Variants in DAPK2 observed in about 807,000 individuals in gnomAD.
The protein encoded by DAPK2 is death-associated protein kinase 2.
A neutral mutation model predicts 44.1 loss-of-function variants in DAPK2; 35 were observed. The ratio of observed to expected loss-of-function variants is 0.79; its 90% CI spans 0.61 to 1.05. The LOEUF (loss-of-function observed/expected upper bound fraction) is 1.05, where lower values mean the gene tolerates loss of function less well. Ranked by LOEUF, DAPK2 falls within the 50% of genes least tolerant of loss-of-function variation. DAPK2 has a pLI of 0.00. For missense variants in DAPK2, 453 were observed against 483.2 expected, an observed-to-expected ratio of 0.94 and a Z score of 0.59; for synonymous variants, 174 against 182.6, an observed-to-expected ratio of 0.95 and a Z score of 0.38.
At chr15:64,002,211 C>T (rs886957592) in intron 1 of DAPK2, among the ~76,000 whole-genome samples, 7 of 152,178 alleles carry the variant, frequency 4.6e-5, no homozygotes, top group Non-Finnish European at 2.9e-5. Context: ...CTGGTGGAAA[C>T]GTCCCAGCTC....
chr15:63,986,178 C>A (rs1352839743), intron 1 of DAPK2, among the ~76,000 whole-genome samples: 1 of 152,222 alleles, frequency 6.6e-6, no homozygotes, highest in Non-Finnish European at 1.5e-5. Flanking sequence ...CCAGACCCAG[C>A]CCCCAGGCTT....
Position 63,974,519 on chromosome 15 carries a change from T to C in DAPK2, c.315-2958A>G, listed in dbSNP as rs144482288. 2.7e-3 allele frequency among the ~76,000 whole-genome samples: 408 copies of C among 152,302 alleles called. 3 individuals are homozygous for C. Among genetic ancestry groups the C allele is most frequent in the African/African-American group, 8.1e-3 (337 of 41,558 alleles). On this transcript the variant is annotated intron_variant, in intron 2 of 10. Coordinates refer to ENST00000261891, the Ensembl canonical transcript of DAPK2. ...TTTCTGATTGGCAATTGGTTATTAT[T>C]GAAAGACCTGGAATCAATAGAAAAG...
rs2079162522 is a variant in DAPK2, at chr15:63,923,896, T to TGGACTTGAACTCCTGGGCTCAAGTC, written c.858+919_858+920insGACTTGAGCCCAGGAGTTCAAGTCC. Among the ~76,000 whole-genome samples the TGGACTTGAACTCCTGGGCTCAAGTC allele has an allele frequency of 6.6e-6, 1 of 152,350 alleles. No homozygotes were observed. Among genetic ancestry groups the TGGACTTGAACTCCTGGGCTCAAGTC allele is most frequent in the Middle Eastern group, 3.4e-3 (1 of 294 alleles). ...TGGGGTCTTGGCATGTTGCTCAAGT[T>TGGACTTGAACTCCTGGGCTCAAGTC]GGTCTTGAACTCCTGGGCTCAAGTC... On this transcript the variant is annotated intron_variant, in intron 8 of 10. Coordinates refer to ENST00000261891, the Ensembl canonical transcript of DAPK2. This position sits in a 1 kb window ranked among gnomAD's most constrained non-coding sequence, Gnocchi z 4.2.
At chr15:63,920,466 C>T (rs1250246453) in intron 8 of DAPK2, 2 of 152,082 alleles carry the variant, frequency 1.3e-5, no homozygotes. Context: ...CTATTAGACG[C>T]CCCATCTTGG....
At chr15:63,920,442 G>C (rs2079041438) in intron 8 of DAPK2, 1 of 152,078 alleles carries the variant, frequency 6.6e-6, no homozygotes, top group African/African-American at 2.4e-5. Flanking sequence ...TGTGGTGGGG[G>C]TAGAGAGAGT....
rs564420761 is a variant in DAPK2, at chr15:64,020,934, G to A, written c.92+19236C>T. ...GTGACCCAGAGACAGAAAGTGCCTTGCCCAGGTGCATTAACGTATTGGTAG... is the reference window on the plus strand; with the variant it reads ...GTGACCCAGAGACAGAAAGTGCCTTACCCAGGTGCATTAACGTATTGGTAG... On this transcript the variant is annotated intron_variant, in intron 1 of 10. Transcript: ENST00000261891. The surrounding 1 kb of genome is among the most constrained non-coding windows in gnomAD (Gnocchi z 4.5). 6.6e-6 allele frequency among the ~76,000 whole-genome samples: 1 copy of A among 152,310 alleles called. No individual in the cohort carries two copies. Among genetic ancestry groups the A allele is most frequent in the East Asian group, 1.9e-4 (1 of 5,186 alleles).
intron 3 of DAPK2, among the ~76,000 whole-genome samples, chr15:63,967,524 C>A (rs954497403): frequency 1.6e-4 from 25 of 152,068 alleles, no homozygotes; most frequent in African/African-American, 4.6e-4. Flanking sequence ...AACCCTGTCT[C>A]TACTAAAAAT....
chr15:64,016,527 C>A (rs1381653962), intron 1 of DAPK2, among the ~76,000 whole-genome samples: 1 of 152,178 alleles, frequency 6.6e-6, no homozygotes, highest in African/African-American at 2.4e-5. Flanking sequence ...GGTGCAATGT[C>A]TCAAGCCTCT....
At chr15:63,962,624 CCT>C (rs747333282) in intron 3 of DAPK2, among the ~76,000 whole-genome samples, 1 of 152,182 alleles carries the variant, frequency 6.6e-6, no homozygotes, top group Non-Finnish European at 1.5e-5. Flanking sequence ...CACTCCAGAC[CCT>C]GTTTTACTGG....
intron 3 of DAPK2, among the ~76,000 whole-genome samples, chr15:63,941,356 T>C (rs900996937): frequency 6.6e-6 from 1 of 152,246 alleles, no homozygotes; most frequent in Non-Finnish European, 1.5e-5. Context: ...ATGCTTTCTC[T>C]TGTCCAGCGG....
chr15:63,936,349 G>A (rs2077147968), intron 4 of DAPK2, among the ~76,000 whole-genome samples: 1 of 152,158 alleles, frequency 6.6e-6, no homozygotes, highest in Non-Finnish European at 1.5e-5. Flanking sequence ...GCTGGCTCAC[G>A]TCGGTAATCC....
At chr15:64,038,069 G>T (rs191402706) in intron 1 of DAPK2, among the ~76,000 whole-genome samples, 1 of 152,278 alleles carries the variant, frequency 6.6e-6, no homozygotes, top group East Asian at 1.9e-4. Flanking sequence ...TGGAGTCAGG[G>T]AGAGACAAGA....
intron 2 of DAPK2, among the ~76,000 whole-genome samples, chr15:63,975,878 G>A (rs1230888628): frequency 1.3e-5 from 2 of 152,234 alleles, no homozygotes; most frequent in Non-Finnish European, 2.9e-5. Context: ...ACAGGTGTGA[G>A]CCATTGCGCT....
At chr15:64,023,695 A>C (rs913465062) in intron 1 of DAPK2, among the ~76,000 whole-genome samples, 1 of 152,208 alleles carries the variant, frequency 6.6e-6, no homozygotes, top group Non-Finnish European at 1.5e-5. Context: ...AACTCTTCAA[A>C]TCAACTGATG....
chr15:64,014,103 G>A (rs1235292592), intron 1 of DAPK2, among the ~76,000 whole-genome samples: 1 of 152,186 alleles, frequency 6.6e-6, no homozygotes, highest in Non-Finnish European at 1.5e-5. Flanking sequence ...ACCTACCCAC[G>A]GAGAACCTGA....
chr15:63,929,450 G>C, intron 6 of DAPK2, 101 bp downstream of exon 7: 1 of 1,451,410 alleles, frequency 6.9e-7, no homozygotes. Flanking sequence ...GATTATGGTG[G>C]GTGCTTAGTA....
chr15:64,014,674 C>G (rs1243440671), intron 1 of DAPK2, among the ~76,000 whole-genome samples: 2 of 152,226 alleles, frequency 1.3e-5, no homozygotes, highest in Non-Finnish European at 2.9e-5. Flanking sequence ...AATCCTAACA[C>G]TTTGAGAGGC....
At chr15:63,951,616 C>A (rs1016399051) in intron 3 of DAPK2, among the ~76,000 whole-genome samples, 2 of 151,956 alleles carry the variant, frequency 1.3e-5, no homozygotes, top group Admixed American at 6.5e-5. Context: ...GGCATCCCCA[C>A]CGAGTCTCAC....
chr15:63,938,856 A>G (rs1340961204), intron 4 of DAPK2, among the ~76,000 whole-genome samples: 1 of 152,254 alleles, frequency 6.6e-6, no homozygotes, highest in African/African-American at 2.4e-5. Context: ...CAGGAAATCA[A>G]AAGCTAGTTC....
Sources: allele counts gnomAD v4.1 joint callset (sites outside exome capture counted in the v4.1 genomes callset), GRCh38; gene constraint gnomAD v4.1.1; non-coding constraint Gnocchi (gnomAD v3.1); transcripts MANE v1.5; gene names NCBI Gene and HGNC (gene_info 2026-07-23, HGNC 2026-07-21).